Variants in SCD observed in about 807,000 individuals in gnomAD.
SCD encodes the protein acyl-CoA desaturase.
SCD carries 4 observed loss-of-function variants against 35.7 expected under a neutral mutation model. The observed-to-expected ratio is 0.11, with a 90% CI of 0.06 to 0.26. The LOEUF (loss-of-function observed/expected upper bound fraction) is 0.26, where lower values mean the gene tolerates loss of function less well. Ranked by LOEUF, SCD falls within the 10% of genes least tolerant of loss-of-function variation. SCD has a pLI of 1.00. For synonymous variants in SCD, 150 were observed against 170.2 expected, an observed-to-expected ratio of 0.88 and a Z score of 0.92; for missense variants, 282 against 460.7, an observed-to-expected ratio of 0.61 and a Z score of 3.55.
intron 1 of SCD, 61 bp downstream of exon 1, chr10:100,347,592 G>T: frequency 6.2e-7 from 1 of 1,604,062 alleles, no homozygotes; most frequent in Non-Finnish European, 8.5e-7. Context: ...GCTTCCAGGG[G>T]ACGGGTTGGT....
At position 100,356,731 on chromosome 10, in the gene SCD, C is replaced by T. The variant is rs200010469; in HGVS notation, c.847C>T (p.Arg283Trp). 2 of 1,614,186 alleles carry T rather than the reference C, an allele frequency of 1.2e-6. No individual in the cohort carries two copies. The highest frequency in any genetic ancestry group is 1.7e-6 in the Non-Finnish European group (2 of 1,180,034). ...TCCTTATGACAAGAACATTAGCCCC[C>T]GGGAGAATATCCTGGTTTCACTTGG... Reference protein sequence around the residue: ...YRPYDKNISPRENILVSLGAV... With the variant: ...YRPYDKNISPWENILVSLGAV... The change falls in exon 5 of 6, where the codon CGG becomes TGG. Residue 283 changes from arginine to tryptophan, a missense_variant. By Grantham distance (101) the Arg-to-Trp change is moderately radical. Around this residue, in one of 2 missense-constraint regions of SCD, gnomAD observed 205 missense variants for 372.3 expected, o/e 0.55. Transcript: ENST00000370355. This position sits in a 1 kb window ranked among gnomAD's most constrained non-coding sequence, Gnocchi z 4.1.
chr10:100,360,207 T>C (rs1038225810), intron 5 of SCD, among the ~76,000 whole-genome samples: 1 of 152,250 alleles, frequency 6.6e-6, no homozygotes, highest in Non-Finnish European at 1.5e-5. Context: ...ACTCATTTTT[T>C]TAAGAGTCAT....
intron 4 of SCD, among the ~76,000 whole-genome samples, chr10:100,355,486 C>T (rs3793766): frequency 0.089 from 13,586 of 152,116 alleles, 658 homozygotes; most frequent in East Asian, 0.15. Context: ...CCATTCTTGT[C>T]GAGTCCTAAA....
intron 5 of SCD, among the ~76,000 whole-genome samples, chr10:100,360,455 C>T (rs951379436): frequency 2.0e-5 from 3 of 152,044 alleles, no homozygotes; most frequent in African/African-American, 4.8e-5. Context: ...ACTGGCTGGG[C>T]GCAGTGACTC....
rs551491666 is a variant in SCD, at chr10:100,357,295, C to A, written c.880+531C>A. Among the ~76,000 whole-genome samples the A allele has an allele frequency of 5.3e-5, 8 of 152,362 alleles. No homozygotes were observed. In the South Asian group the frequency reaches 1.7e-3, roughly 32 times the overall value. ...TGCATAAATAGAACAATGGGATCATCTGAGTGGCCAGTAAGCCTGGTGTTT... is the reference window on the plus strand; with the variant it reads ...TGCATAAATAGAACAATGGGATCATATGAGTGGCCAGTAAGCCTGGTGTTT... On this transcript the variant is annotated intron_variant, in intron 5 of 5. Transcript: ENST00000370355.
At chr10:100,351,325 C>A (rs1849870305) in intron 2 of SCD, among the ~76,000 whole-genome samples, 1 of 139,024 alleles carries the variant, frequency 7.2e-6, no homozygotes, top group Admixed American at 7.2e-5. Flanking sequence ...GAAGAATATC[C>A]CACCATTGTC....
At chr10:100,357,327 C>T (rs1432908033) in intron 5 of SCD, among the ~76,000 whole-genome samples, 3 of 152,208 alleles carry the variant, frequency 2.0e-5, no homozygotes, top group Admixed American at 2.0e-4. Flanking sequence ...GTTTTATGAA[C>T]TTCAAGTATG....
chr10:100,358,598 C>CAA (rs547927999), intron 5 of SCD, among the ~76,000 whole-genome samples: 40,650 of 78,154 alleles, frequency 0.52, 10,206 homozygotes, highest in South Asian at 0.64. Context: ...GACTCCGTCT[C>CAA]AAAAAAAAAA....
Position 100,360,880 on chromosome 10 carries a change from G to T in SCD, c.1027G>T (p.Ala343Ser), listed in dbSNP as rs770023319. ...TGACCGGAAGAAAGTCTCCAAGGCC[G>T]CCATCTTGGCCAGGATTAAAAGAAC... Reference protein sequence around the residue: ...AYDRKKVSKAAILARIKRTGD... With the variant: ...AYDRKKVSKASILARIKRTGD... The change falls in exon 6 of 6, where the codon GCC becomes TCC. Residue 343 changes from alanine (A) to serine (S), a missense_variant. Around this residue, in one of 2 missense-constraint regions of SCD, gnomAD observed 205 missense variants for 372.3 expected, o/e 0.55. Coordinates refer to ENST00000370355, the MANE Select transcript of SCD (RefSeq NM_005063.5). 6.2e-7 allele frequency: 1 copy of T among 1,613,936 alleles called. No homozygotes were observed. The highest frequency in any genetic ancestry group is 1.7e-5 in the Admixed American group (1 of 60,004).
intron 3 of SCD, among the ~76,000 whole-genome samples, chr10:100,353,795 T>G (rs1302670190): frequency 6.6e-6 from 1 of 152,204 alleles, no homozygotes; most frequent in Non-Finnish European, 1.5e-5. Context: ...CATAGCAGCT[T>G]ATACCTTGAA....
In SCD at chr10:100,362,526, CT is replaced by C. The variant is rs1446775457; in HGVS notation, c.*1594del. 2 of 152,258 alleles carry C rather than the reference CT, an allele frequency of 1.3e-5. No homozygotes were observed. The highest frequency in any genetic ancestry group is 2.9e-5 in the Non-Finnish European group (2 of 68,104). The allele number at this position is 152,258 out of a possible 1,614,324, so 9.4% of individuals were successfully genotyped here. A position where few individuals can be genotyped will look rare whatever the true frequency, so the allele number is the denominator to read the frequency against. On this transcript the variant is annotated 3_prime_UTR_variant, in exon 6 of 6. Transcript: ENST00000370355. ...GTCCCTTTTCTTTGACCAGATCTTT[CT>C]CTTCCCTGAACGTTTTCTTCTTTCC...
At position 100,352,789 on chromosome 10, in the gene SCD, C is replaced by A. The variant is rs1462218539; in HGVS notation, c.441+293C>A. 1.3e-5 allele frequency among the ~76,000 whole-genome samples: 2 copies of A among 152,210 alleles called. No homozygotes were observed. The highest frequency in any genetic ancestry group is 2.9e-5 in the Non-Finnish European group (2 of 68,046). On this transcript the variant is annotated intron_variant, in intron 3 of 5. Coordinates refer to ENST00000370355, the MANE Select transcript of SCD (RefSeq NM_005063.5). The surrounding 1 kb of genome is among the most constrained non-coding windows in gnomAD (Gnocchi z 4.2). ...CAATCTGGCCGTTGTGGCTCTTCATCATAAGGGGCTTTGGCACATAAGCCA... is the reference window on the plus strand; with the variant it reads ...CAATCTGGCCGTTGTGGCTCTTCATAATAAGGGGCTTTGGCACATAAGCCA...
rs1202214324 is a variant in SCD at position 100,362,472 on chromosome 10, G to T, written c.*1539G>T. ...GGGTTAGGAATCTCTTCACTACCCT[G>T]ATTCTTGATTCCTGGCTCTACCCTG... On this transcript the variant is annotated 3_prime_UTR_variant, in exon 6 of 6. Coordinates refer to ENST00000370355, the MANE Select transcript of SCD (RefSeq NM_005063.5). The T allele has an allele frequency of 6.6e-6, 1 of 152,160 alleles. No homozygotes were observed. The highest frequency in any genetic ancestry group is 1.5e-5 in the Non-Finnish European group (1 of 68,038). The allele number at this position is 152,160 out of a possible 1,614,324, so 9.4% of individuals were successfully genotyped here. A position where few individuals can be genotyped will look rare whatever the true frequency, so the allele number is the denominator to read the frequency against.
chr10:100,360,588 T>C, intron 5 of SCD, 146 bp from the exon 6 acceptor site: 2 of 666,320 alleles, frequency 3.0e-6, no homozygotes, highest in Non-Finnish European at 5.3e-6. Context: ...GGGATCTGTT[T>C]GGTTCATATT....
chr10:100,358,611 A>G (rs1254394272), intron 5 of SCD, among the ~76,000 whole-genome samples: 3 of 150,164 alleles, frequency 2.0e-5, no homozygotes, highest in Non-Finnish European at 4.4e-5. Flanking sequence ...AAAAAAAAAA[A>G]AAAAAAGATT....
chr10:100,354,333 C>G, intron 3 of SCD, 94 bp from the exon 4 acceptor site: 1 of 1,110,778 alleles, frequency 9.0e-7, no homozygotes, highest in East Asian at 2.4e-5. Context: ...TGAGGTTGGG[C>G]TGAGCGCCTT....
intron 3 of SCD, among the ~76,000 whole-genome samples, chr10:100,353,445 C>T (rs548385424): frequency 8.6e-5 from 13 of 151,954 alleles, no homozygotes; most frequent in Non-Finnish European, 1.2e-4. Context: ...ATTAGCCAGG[C>T]GTGGTGGCGG....
chr10:100,356,396 T>C lies in SCD; in HGVS notation c.648-136T>C. 5.7e-6 allele frequency: 4 copies of C among 703,948 alleles called. No individual in the cohort carries two copies. The highest frequency in any genetic ancestry group is 9.8e-6 in the Non-Finnish European group (4 of 409,210). The allele number at this position is 703,948 out of a possible 1,614,324, so 43.6% of individuals were successfully genotyped here. A position where few individuals can be genotyped will look rare whatever the true frequency, so the allele number is the denominator to read the frequency against. ...GTCAAAAAAAACAAACAAAAATAAA[T>C]AAAACAATGAACTTAGAGTCAGACA... On this transcript the variant is annotated intron_variant, in intron 4 of 5. Coordinates refer to ENST00000370355, the MANE Select transcript of SCD (RefSeq NM_005063.5). The surrounding 1 kb of genome is among the most constrained non-coding windows in gnomAD (Gnocchi z 4.1).
In SCD at chr10:100,348,155, T is replaced by C; in HGVS notation, c.119T>C (p.Leu40Pro). 6.2e-7 allele frequency: 1 copy of C among 1,613,796 alleles called. No homozygotes were observed. Among genetic ancestry groups the C allele is most frequent in the Non-Finnish European group, 8.5e-7 (1 of 1,179,870 alleles). Residue 40 changes from leucine (L) to proline (P), a missense_variant, in exon 2 of 6, where the codon CTC becomes CCC. This residue lies in a region of SCD where 77 missense variants were observed against 88.4 expected (regional missense o/e 0.87). Coordinates refer to ENST00000370355, the MANE Select transcript of SCD (RefSeq NM_005063.5). ...GGAGATAAGTTGGAGACGATGCCCC[T>C]CTACTTGGAAGACGACATTCGCCCT... is the stretch of plus-strand genomic sequence containing the variant. ...NGGDKLETMP[L>P]YLEDDIRPDI...
Sources: gnomAD v4.1 joint callset for allele counts (sites outside exome capture counted in the v4.1 genomes callset) on GRCh38, gnomAD v4.1.1 for gene constraint, gnomAD v4.1.1 regional missense constraint, Gnocchi (gnomAD v3.1) non-coding constraint, MANE v1.5 for transcripts, NCBI Gene and HGNC (gene_info 2026-07-23, HGNC 2026-07-21) for gene names.